The following GALNT12 variants were observed in gnomAD, a reference collection of about 807,000 sequenced individuals.
GALNT12 encodes UDP-GalNAc:polypeptide N-acetylgalactosaminyltransferase 12.
Under a neutral mutation model 55.5 loss-of-function variants are expected in GALNT12, and 45 were observed. The observed-to-expected ratio is 0.81, with a 90% CI of 0.64 to 1.04. GALNT12 has a LOEUF of 1.04. Among genes scored for constraint, GALNT12 ranks in the 50% least tolerant of loss-of-function variants. The pLI, the probability that GALNT12 is intolerant of heterozygous loss-of-function variation, is 0.00. For synonymous variants in GALNT12, 304 were observed against 312.2 expected, an observed-to-expected ratio of 0.97 and a Z score of 0.28; for missense variants, 709 against 754.8, an observed-to-expected ratio of 0.94 and a Z score of 0.71.
intron 4 of GALNT12, among the ~76,000 whole-genome samples, chr9:98,834,798 C>G (rs1226651351): frequency 6.6e-6 from 1 of 152,236 alleles, no homozygotes; most frequent in Admixed American, 6.5e-5. Context: ...TCTTGCTTCT[C>G]TCTTCTCCTT....
chr9:98,807,863 C>A lies in GALNT12; in HGVS notation c.165C>A (p.Thr55=). 1 of 1,011,488 alleles carries A rather than the reference C, an allele frequency of 9.9e-7. No homozygotes were observed. The highest frequency in any genetic ancestry group is 1.2e-6 in the Non-Finnish European group (1 of 849,006). The allele number at this position is 1,011,488 out of a possible 1,614,324, so 62.7% of individuals were successfully genotyped here. A position where few individuals can be genotyped will look rare whatever the true frequency, so the allele number is the denominator to read the frequency against. ...CTGCCGAGCCGGGACCCCCGCGCAC[C>A]CCGCGCCCCGGGCGGCGCGAGCCGG... ...AGAAEPGPPR[T]PRPGRREPVM... is the part of the protein sequence containing the mutation. The change falls in exon 1 of 10, where the codon ACC becomes ACA. Residue 55 remains threonine (T), a synonymous_variant. Transcript: ENST00000375011.
At position 98,849,189 on chromosome 9, in the gene GALNT12, C is replaced by CTAGG; in HGVS notation, c.*98_*101dup. The CTAGG allele has an allele frequency of 1.5e-6, 2 of 1,298,152 alleles. No homozygotes were observed. Among genetic ancestry groups the CTAGG allele is most frequent in the South Asian group, 2.4e-5 (2 of 82,380 alleles). 80.4% of individuals were successfully genotyped at this position (1,298,152 alleles called of 1,614,324 possible). On this transcript the variant is annotated 3_prime_UTR_variant, in exon 10 of 10. Transcript: ENST00000375011. ...AGCAGTGACCAGAACCCACCAAAAACTAGGCTGCATTGCTTTGAAGAGGCA... is the reference window on the plus strand; with the variant it reads ...AGCAGTGACCAGAACCCACCAAAAACTAGGTAGGCTGCATTGCTTTGAAGAGGCA...
chr9:98,824,261 G>T (rs1835811969), intron 2 of GALNT12, among the ~76,000 whole-genome samples: 1 of 152,184 alleles, frequency 6.6e-6, no homozygotes, highest in South Asian at 2.1e-4. Context: ...GGGTGTGGTG[G>T]CTCCTTGGTG....
At chr9:98,826,700 C>T (rs1835861878) in intron 2 of GALNT12, 52 bp from the exon 3 acceptor site, 8 of 1,559,514 alleles carry the variant, frequency 5.1e-6, no homozygotes, top group East Asian at 2.3e-5. Flanking sequence ...TGGGATGAGG[C>T]GCTCCTCCGA....
Position 98,830,971 on chromosome 9 carries a change from A to T in GALNT12, c.732-801A>T, listed in dbSNP as rs975444717. Among the ~76,000 whole-genome samples, 4 of 152,154 alleles carry T rather than the reference A, an allele frequency of 2.6e-5. No individual in the cohort carries two copies. The South Asian group carries it at 6.2e-4, about 24-fold the overall frequency. On this transcript the variant is annotated intron_variant, in intron 3 of 9. Coordinates refer to ENST00000375011, the MANE Select transcript of GALNT12 (RefSeq NM_024642.5). Reference sequence around the variant, plus strand: ...AACGTCCCCCAAAATGTACTCAAGGAAATCTAGTGTTCACACGTGGTCTAG... The same window carrying T: ...AACGTCCCCCAAAATGTACTCAAGGTAATCTAGTGTTCACACGTGGTCTAG...
chr9:98,809,912 G>T (rs540554421), intron 1 of GALNT12, among the ~76,000 whole-genome samples: 2 of 152,294 alleles, frequency 1.3e-5, no homozygotes, highest in African/African-American at 2.4e-5. Flanking sequence ...TCCTGCTGTT[G>T]CATTGACCCT....
At position 98,849,199 on chromosome 9, in the gene GALNT12, T is replaced by G; in HGVS notation, c.*107T>G. On this transcript the variant is annotated 3_prime_UTR_variant, in exon 10 of 10. Transcript: ENST00000375011. ...AGAACCCACCAAAAACTAGGCTGCA[T>G]TGCTTTGAAGAGGCAATCATTTTGC... is the stretch of plus-strand genomic sequence containing the variant. 3.4e-6 allele frequency: 4 copies of G among 1,167,372 alleles called. No homozygotes were observed. Among genetic ancestry groups the G allele is most frequent in the Non-Finnish European group, 5.1e-6 (4 of 785,178 alleles). 72.3% of individuals were successfully genotyped at this position (1,167,372 alleles called of 1,614,324 possible). A position where few individuals can be genotyped will look rare whatever the true frequency, so the allele number is the denominator to read the frequency against.
intron 9 of GALNT12, chr9:98,848,684 C>CAATA: frequency 2.0e-6 from 1 of 505,424 alleles, no homozygotes. Context: ...AAGCCAAATG[C>CAATA]AATAGGGAGA....
chr9:98,812,191 A>G (rs1835510796), intron 1 of GALNT12, among the ~76,000 whole-genome samples: 1 of 152,092 alleles, frequency 6.6e-6, no homozygotes, highest in South Asian at 2.1e-4. Context: ...AACATGTTCA[A>G]TTTCGGTTAG....
In GALNT12 at chr9:98,807,923, G is replaced by A; in HGVS notation, c.225G>A (p.Leu75=). Residue 75 remains leucine (L), a synonymous_variant, in exon 1 of 10, where the codon CTG becomes CTA. Coordinates refer to ENST00000375011, the MANE Select transcript of GALNT12 (RefSeq NM_024642.5). ...MPRPPVPANA[L]GARGEAVRLQ... is the part of the protein sequence containing the mutation. ...GGCCGCCGGTGCCGGCGAACGCGCT[G>A]GGCGCGCGGGGCGAGGCGGTGCGGC... 1 of 1,244,966 alleles carries A rather than the reference G, an allele frequency of 8.0e-7. No homozygotes were observed. The highest frequency in any genetic ancestry group is 1.0e-6 in the Non-Finnish European group (1 of 991,448). 77.1% of individuals were successfully genotyped at this position (1,244,966 alleles called of 1,614,324 possible).
intron 6 of GALNT12, among the ~76,000 whole-genome samples, chr9:98,838,361 T>C (rs562735911): frequency 6.6e-6 from 1 of 152,298 alleles, no homozygotes; most frequent in Non-Finnish European, 1.5e-5. Context: ...GGCCCATCTC[T>C]CTGACCAATG....
intron 4 of GALNT12, 134 bp downstream of exon 4, chr9:98,832,091 C>A: frequency 1.3e-6 from 1 of 758,452 alleles, no homozygotes; most frequent in Non-Finnish European, 2.3e-6. Flanking sequence ...CTTTTTTGCC[C>A]AGAGTATTTG....
chr9:98,838,817 G>A (rs904654724), intron 6 of GALNT12, among the ~76,000 whole-genome samples: 1 of 152,182 alleles, frequency 6.6e-6, no homozygotes, highest in African/African-American at 2.4e-5. Flanking sequence ...ACCCTGCAGG[G>A]TAGCAATAAA....
At chr9:98,836,863 G>T in intron 5 of GALNT12, 109 bp from the exon 6 acceptor site, 1 of 1,149,192 alleles carries the variant, frequency 8.7e-7, no homozygotes, top group Non-Finnish European at 1.3e-6. Context: ...TGAGCATCTT[G>T]GCAGTGTCCA....
Position 98,849,272 on chromosome 9 carries a change from G to C in GALNT12, c.*180G>C. 1.5e-6 allele frequency: 1 copy of C among 646,468 alleles called. No individual in the cohort carries two copies. Among genetic ancestry groups the C allele is most frequent in the Non-Finnish European group, 2.7e-6 (1 of 368,732 alleles). 40.0% of individuals were successfully genotyped at this position (646,468 alleles called of 1,614,324 possible). A position where few individuals can be genotyped will look rare whatever the true frequency, so the allele number is the denominator to read the frequency against. On this transcript the variant is annotated 3_prime_UTR_variant, in exon 10 of 10. Transcript: ENST00000375011. Reference sequence around the variant, plus strand: ...TTTAGTAAAAATGTGAATAAGCTTTGTACTTATTTTGAGAACTTTTTAAAT... The same window carrying C: ...TTTAGTAAAAATGTGAATAAGCTTTCTACTTATTTTGAGAACTTTTTAAAT...
intron 1 of GALNT12, among the ~76,000 whole-genome samples, chr9:98,813,500 A>G (rs7033907): frequency 0.75 from 100,492 of 133,110 alleles, 34,711 homozygotes; most frequent in African/African-American, 0.87. Context: ...CCATTTAAAA[A>G]ATTTTTTTTT....
At chr9:98,808,192 T>A (rs993122464) in intron 1 of GALNT12, 123 bp downstream of exon 1, 1 of 715,756 alleles carries the variant, frequency 1.4e-6, no homozygotes, top group Non-Finnish European at 2.3e-6. Context: ...TGAGTCTTTC[T>A]CCGAAGACGA....
At chr9:98,848,638 TAAAC>T (rs1411917403) in intron 9 of GALNT12, 2 of 400,082 alleles carry the variant, frequency 5.0e-6, no homozygotes, top group East Asian at 1.1e-4. Flanking sequence ...GTGAAAGAGA[TAAAC>T]AAAGGATCTT....
intron 9 of GALNT12, among the ~76,000 whole-genome samples, chr9:98,848,261 C>T (rs979897054): frequency 4.6e-5 from 7 of 152,218 alleles, no homozygotes; most frequent in African/African-American, 1.7e-4. Context: ...GTTATTCACT[C>T]TGCCTGTTTG....
Sources: gnomAD v4.1 joint callset for allele counts (sites outside exome capture counted in the v4.1 genomes callset) on GRCh38, gnomAD v4.1.1 for gene constraint, MANE v1.5 for transcripts, NCBI Gene and HGNC (gene_info 2026-07-23, HGNC 2026-07-21) for gene names.